NRXN1: variants seen among roughly 807,000 people sequenced by gnomAD.
The protein encoded by NRXN1 is neurexin-1.
Under a neutral mutation model 150.9 loss-of-function variants are expected in NRXN1, and 39 were observed. The ratio of observed to expected loss-of-function variants is 0.26; its 90% CI spans 0.20 to 0.34. The LOEUF is 0.34. NRXN1 is among the 10% of genes least tolerant of loss of function. The pLI is 1.00. For missense variants in NRXN1, 1,815 were observed against 1,949.9 expected, an observed-to-expected ratio of 0.93 and a Z score of 1.30; for synonymous variants, 924 against 757.0, an observed-to-expected ratio of 1.22 and a Z score of -3.62.
intron 5 of NRXN1, among the ~76,000 whole-genome samples, chr2:50,903,611 A>G (rs1175695316): frequency 6.6e-6 from 1 of 152,110 alleles, no homozygotes; most frequent in Non-Finnish European, 1.5e-5. Context: ...GCATTCTGTA[A>G]ATTATAACAC....
At chr2:50,462,324 A>T (rs2088314278) in intron 17 of NRXN1, among the ~76,000 whole-genome samples, 1 of 151,834 alleles carries the variant, frequency 6.6e-6, no homozygotes, top group African/African-American at 2.4e-5. Context: ...TTCTATAGGA[A>T]GCCAGAGGAG....
chr2:49,974,474 C>T (rs889093886), intron 21 of NRXN1, among the ~76,000 whole-genome samples: 1 of 152,296 alleles, frequency 6.6e-6, no homozygotes, highest in Non-Finnish European at 1.5e-5. Context: ...AGTGTGATTG[C>T]TAAACACAGA....
chr2:50,498,901 T>G (rs2091791504), intron 13 of NRXN1, among the ~76,000 whole-genome samples: 1 of 152,194 alleles, frequency 6.6e-6, no homozygotes, highest in African/African-American at 2.4e-5. Flanking sequence ...GGAAAATGTT[T>G]CAAGTTACCT....
chr2:50,028,994 G>A (rs1688787182), intron 21 of NRXN1, among the ~76,000 whole-genome samples: 1 of 152,178 alleles, frequency 6.6e-6, no homozygotes, highest in South Asian at 2.1e-4. Flanking sequence ...TGGTCTGAAT[G>A]TTTGTGTTTT....
intron 2 of NRXN1, among the ~76,000 whole-genome samples, chr2:50,940,917 G>C (rs2104484233): frequency 6.6e-6 from 1 of 152,304 alleles, no homozygotes; most frequent in African/African-American, 2.4e-5. Context: ...GCCTGAGATA[G>C]AGATGTATTG....
chr2:50,428,187 G>C (rs2084657560), intron 17 of NRXN1, among the ~76,000 whole-genome samples: 1 of 152,146 alleles, frequency 6.6e-6, no homozygotes, highest in African/African-American at 2.4e-5. Flanking sequence ...GCTGAGGAGA[G>C]AGAATCACTT....
At chr2:50,713,156 T>C (rs1238157203) in intron 5 of NRXN1, among the ~76,000 whole-genome samples, 1 of 151,710 alleles carries the variant, frequency 6.6e-6, no homozygotes, top group African/African-American at 2.4e-5. Context: ...CTACTAAAAA[T>C]ACAAAAAATT....
At chr2:49,974,720 G>A (rs986374743) in intron 21 of NRXN1, among the ~76,000 whole-genome samples, 4 of 149,644 alleles carry the variant, frequency 2.7e-5, no homozygotes, top group Non-Finnish European at 4.4e-5. Context: ...AGTTTGTAAA[G>A]ACAATTATGC....
At chr2:50,202,632 G>C (rs927323106) in intron 18 of NRXN1, among the ~76,000 whole-genome samples, 1 of 152,172 alleles carries the variant, frequency 6.6e-6, no homozygotes, top group African/African-American at 2.4e-5. Flanking sequence ...CTGGTACTTT[G>C]TTATCCTGCC....
intron 8 of NRXN1, among the ~76,000 whole-genome samples, chr2:50,572,047 C>T (rs1259531812): frequency 6.6e-6 from 1 of 152,094 alleles, no homozygotes; most frequent in African/African-American, 2.4e-5. Flanking sequence ...ATTAGAGAAG[C>T]CCCAAAGACT....
intron 5 of NRXN1, among the ~76,000 whole-genome samples, chr2:50,683,765 T>A (rs1244634371): frequency 6.7e-6 from 1 of 148,440 alleles, no homozygotes; most frequent in Non-Finnish European, 1.5e-5. Context: ...CTGACTGTAT[T>A]ACAGCACAGT....
chr2:50,627,615 GACAC>G (rs142392248), intron 5 of NRXN1, among the ~76,000 whole-genome samples: 2 of 148,326 alleles, frequency 1.3e-5, no homozygotes, highest in African/African-American at 4.9e-5. Flanking sequence ...GTCAGACACA[GACAC>G]ACACACACAC....
chr2:50,490,248 T>C (rs1294462040), intron 15 of NRXN1, among the ~76,000 whole-genome samples: 1 of 152,216 alleles, frequency 6.6e-6, no homozygotes, highest in Non-Finnish European at 1.5e-5. Flanking sequence ...CTAATGAGCA[T>C]TGTGAACTCT....
chr2:50,738,170 A>G (rs891357529), intron 5 of NRXN1, among the ~76,000 whole-genome samples: 1 of 152,230 alleles, frequency 6.6e-6, no homozygotes, highest in Non-Finnish European at 1.5e-5. Context: ...TAATTCAGTG[A>G]AACTGCTGGT....
intron 5 of NRXN1, among the ~76,000 whole-genome samples, chr2:50,821,991 A>G (rs1669807290): frequency 6.6e-6 from 1 of 152,182 alleles, no homozygotes; most frequent in African/African-American, 2.4e-5. Context: ...GTAAGTGCCA[A>G]ATGTTTTGAT....
intron 17 of NRXN1, among the ~76,000 whole-genome samples, chr2:50,453,517 C>T (rs2087208646): frequency 1.3e-5 from 2 of 152,182 alleles, no homozygotes; most frequent in South Asian, 4.1e-4. Flanking sequence ...GATGTTGTCA[C>T]TATACTCATC....
intron 5 of NRXN1, among the ~76,000 whole-genome samples, chr2:50,669,747 A>G (rs1347551749): frequency 1.3e-5 from 2 of 151,656 alleles, no homozygotes; most frequent in African/African-American, 4.8e-5. Context: ...TAGAGATCTG[A>G]GACAAAAATT....
chr2:50,832,869 CTA>C (rs1671609442), intron 5 of NRXN1, among the ~76,000 whole-genome samples: 1 of 152,138 alleles, frequency 6.6e-6, no homozygotes. Context: ...ATTAAAAACA[CTA>C]TTTCTGTGAA....
Position 50,271,961 on chromosome 2 carries a change from G to A in NRXN1, c.3365-34991C>T, listed in dbSNP as rs2069729231. The stretch of plus-strand genomic sequence containing the variant: ...CACTAGGTCAAAAGCCACCCGAGAG[G>A]TAATGGACTATGCAGTCTGAGTTCC... On this transcript the variant is annotated intron_variant, in intron 17 of 22. Coordinates refer to ENST00000401669, the MANE Select transcript of NRXN1 (RefSeq NM_001330078.2). 3.3e-5 allele frequency among the ~76,000 whole-genome samples: 5 copies of A among 152,140 alleles called. No individual in the cohort carries two copies. In the South Asian group the frequency reaches 1.0e-3, roughly 32 times the overall value.
Sources: allele counts gnomAD v4.1 joint callset (sites outside exome capture counted in the v4.1 genomes callset), GRCh38; gene constraint gnomAD v4.1.1; transcripts MANE v1.5; gene names NCBI Gene and HGNC (gene_info 2026-07-23, HGNC 2026-07-21).